Variants in PRKAR1A observed in about 807,000 individuals in gnomAD.
PRKAR1A encodes the protein protein kinase cAMP-dependent type I regulatory subunit alpha.
A neutral mutation model predicts 52.0 loss-of-function variants in PRKAR1A; 3 were observed. The ratio of observed to expected loss-of-function variants is 0.06; its 90% CI spans 0.03 to 0.15. The LOEUF (loss-of-function observed/expected upper bound fraction) is 0.15, where lower values mean the gene tolerates loss of function less well. Ranked by LOEUF, PRKAR1A falls within the 10% of genes least tolerant of loss-of-function variation. The pLI is 1.00. For synonymous variants in PRKAR1A, 188 were observed against 168.4 expected (o/e 1.12, Z -0.90); for missense variants, 240 against 477.4 (o/e 0.50, Z 4.63).
the PRKAR1A span, among the ~76,000 whole-genome samples, chr17:68,483,857 G>A: frequency 3.1e-4 from 46 of 146,264 alleles, no homozygotes; most frequent in Non-Finnish European, 4.8e-4. Context: ...GCAAAACTCC[G>A]TCTCAAAAAA....
the PRKAR1A span, among the ~76,000 whole-genome samples, chr17:68,454,234 G>A: frequency 6.6e-6 from 1 of 152,184 alleles, no homozygotes; most frequent in Non-Finnish European, 1.5e-5. Flanking sequence ...GCACCTAAGT[G>A]ATGAACAGAA....
At chr17:68,547,474 C>G (rs945892507) in intron 11 of PRKAR1A, among the ~76,000 whole-genome samples, 1 of 152,182 alleles carries the variant, frequency 6.6e-6, no homozygotes, top group Non-Finnish European at 1.5e-5. Context: ...GTTAGTGTAG[C>G]TACGTTCATC....
intron 2 of PRKAR1A, 99 bp downstream of exon 2, chr17:68,515,675 C>G: frequency 7.3e-7 from 1 of 1,366,664 alleles, no homozygotes; most frequent in Non-Finnish European, 1.0e-6. Context: ...GAAAAGGAAT[C>G]TGACTAAATA....
the PRKAR1A span, among the ~76,000 whole-genome samples, chr17:68,419,874 C>A: frequency 1.3e-5 from 2 of 151,862 alleles, no homozygotes; most frequent in African/African-American, 4.8e-5. Flanking sequence ...GGGAGGATCA[C>A]TTGAGCCCAA....
chr17:68,466,382 T>C, the PRKAR1A span, among the ~76,000 whole-genome samples: 2 of 151,592 alleles, frequency 1.3e-5, no homozygotes, highest in African/African-American at 2.4e-5. Flanking sequence ...TCTGCTTGTA[T>C]TGAAATGTTA....
At chr17:68,511,070 T>C (rs548017555), upstream of PRKAR1A, among the ~76,000 whole-genome samples, 94 of 152,232 alleles carry the variant, frequency 6.2e-4, no homozygotes, top group Non-Finnish European at 1.2e-3. Context: ...GGAATCAATA[T>C]AAACACTATT....
At chr17:68,535,526 GTTC>G (rs1205368098), downstream of PRKAR1A, 1 of 453,986 alleles carries the variant, frequency 2.2e-6, no homozygotes. Context: ...TGATCTCCTG[GTTC>G]TTCATCCACA....
chr17:68,447,587 C>T, the PRKAR1A span, among the ~76,000 whole-genome samples: 3 of 152,084 alleles, frequency 2.0e-5, no homozygotes, highest in South Asian at 4.2e-4. Context: ...GACTAGGTCT[C>T]GTTACATTGC....
downstream of PRKAR1A, chr17:68,535,675 TTTTTTTTGTA>T (rs1462063800): frequency 8.9e-6 from 4 of 447,494 alleles, no homozygotes; most frequent in Admixed American, 4.9e-5. Flanking sequence ...AAAAATTTTT[TTTTTTTTGTA>T]TTTTTTTGTA....
intron 11 of PRKAR1A, among the ~76,000 whole-genome samples, chr17:68,547,037 A>G (rs1045407422): frequency 6.8e-4 from 103 of 151,858 alleles, no homozygotes; most frequent in Admixed American, 1.1e-3. Flanking sequence ...TCCCCTGAGC[A>G]GTAAGGTCTC....
chr17:68,509,689 G>A (rs1238001921), upstream of PRKAR1A, among the ~76,000 whole-genome samples: 1 of 152,178 alleles, frequency 6.6e-6, no homozygotes, highest in Non-Finnish European at 1.5e-5. Context: ...GGCACTGAAA[G>A]AACATTTGCA....
chr17:68,420,213 G>A, the PRKAR1A span: 4 of 1,614,144 alleles, frequency 2.5e-6, no homozygotes, highest in African/African-American at 2.7e-5. Context: ...TGTGATGGGA[G>A]CACGGGGCCT....
intron 11 of PRKAR1A, chr17:68,539,522 T>C: frequency 1.2e-6 from 1 of 831,596 alleles, no homozygotes; most frequent in East Asian, 2.5e-5. Context: ...TCATGGCAGC[T>C]GCCTCTCCAG....
At chr17:68,456,585 A>G in the PRKAR1A span, among the ~76,000 whole-genome samples, 1 of 152,050 alleles carries the variant, frequency 6.6e-6, no homozygotes, top group Non-Finnish European at 1.5e-5. Flanking sequence ...TCAAAGCCCA[A>G]ATGTGAACAT....
chr17:68,466,457 G>C, the PRKAR1A span, among the ~76,000 whole-genome samples: 1 of 146,000 alleles, frequency 6.8e-6, no homozygotes, highest in South Asian at 2.2e-4. Context: ...TGTCACCCAG[G>C]CTGGAGTGCA....
the PRKAR1A span, chr17:68,428,982 C>A: frequency 6.9e-7 from 1 of 1,449,630 alleles, no homozygotes. Context: ...CGAAGATGGG[C>A]GATGGATTCG....
chr17:68,525,461 G>T (rs578116439), intron 6 of PRKAR1A, among the ~76,000 whole-genome samples: 3 of 152,172 alleles, frequency 2.0e-5, no homozygotes, highest in Non-Finnish European at 2.9e-5. Context: ...GCTCAGCACG[G>T]TTCTCTAAGT....
chr17:68,450,893 T>C, the PRKAR1A span: 1 of 1,611,542 alleles, frequency 6.2e-7, no homozygotes, highest in Admixed American at 1.7e-5. Flanking sequence ...CGTCCGGGAT[T>C]TCATCTGGGA....
chr17:68,548,842 C>T (rs1314055225), intron 11 of PRKAR1A, among the ~76,000 whole-genome samples: 2 of 148,666 alleles, frequency 1.3e-5, no homozygotes, highest in Non-Finnish European at 3.0e-5. Flanking sequence ...ACGCCATTCT[C>T]CTGCCTCAGC....
Sources: gnomAD v4.1 joint callset for allele counts (sites outside exome capture counted in the v4.1 genomes callset) on GRCh38, gnomAD v4.1.1 for gene constraint, MANE v1.5 for transcripts, NCBI Gene and HGNC (gene_info 2026-07-23, HGNC 2026-07-21) for gene names.